Variants in SH3KBP1 observed in about 807,000 individuals in gnomAD.
The protein encoded by SH3KBP1 is SH3 domain containing kinase binding protein 1, also known as SH3 domain-containing kinase-binding protein 1.
In SH3KBP1, 8 loss-of-function variants were observed where a neutral mutation model predicts 50.1. The ratio of observed to expected loss-of-function variants is 0.16; its 90% CI spans 0.09 to 0.29. SH3KBP1 has a LOEUF of 0.29. Ranked by LOEUF, SH3KBP1 falls within the 10% of genes least tolerant of loss-of-function variation. The probability of loss-of-function intolerance (pLI) is 1.00; values close to 1 mark genes in which losing one functional copy is unlikely to be tolerated. For missense variants in SH3KBP1, 377 were observed against 535.2 expected (o/e 0.70, Z 2.92); for synonymous variants, 227 against 218.6 (o/e 1.04, Z -0.34).
chrX:19,616,939 C>T (rs954083753), intron 8 of SH3KBP1, among the ~76,000 whole-genome samples: 6 of 112,009 alleles, frequency 5.4e-5, no homozygotes, highest in African/African-American at 1.9e-4. Context: ...TTCTGCCAGG[C>T]CTCGTAGAGT....
intron 1 of SH3KBP1, among the ~76,000 whole-genome samples, chrX:19,881,637 G>C (rs1678205016): frequency 9.0e-6 from 1 of 111,380 alleles, no homozygotes; most frequent in African/African-American, 3.3e-5. Context: ...GGTGGGTCCT[G>C]AGCTCAGAAC....
At chrX:19,626,383 T>TATGAATGAATGAATGAATGA (rs72140292) in intron 8 of SH3KBP1, among the ~76,000 whole-genome samples, 5 of 108,275 alleles carry the variant, frequency 4.6e-5, no homozygotes, top group African/African-American at 1.0e-4. Context: ...TTCTTCGATG[T>TATGAATGAATGAATGAATGA]ATGAATGAAT....
chrX:19,550,873 G>A (rs1688258864), intron 13 of SH3KBP1, among the ~76,000 whole-genome samples: 1 of 110,788 alleles, frequency 9.0e-6, no homozygotes, highest in African/African-American at 3.3e-5. Flanking sequence ...CTTGCCATGT[G>A]AAATTAACAA....
rs775928098 is a variant in SH3KBP1 at position 19,717,758 on chromosome X, T to C, written c.287-10774A>G. ...TGTAATACTAAATAATGCTAATCTA[T>C]GCCTCTAACTGCTTTCCTCTTACAA... On this transcript the variant is annotated intron_variant, in intron 3 of 17. Transcript: ENST00000397821. Among the ~76,000 whole-genome samples the C allele has an allele frequency of 3.6e-5, 4 of 111,683 alleles. No homozygotes were observed. In the South Asian group the frequency reaches 1.5e-3, roughly 42 times the overall value.
At chrX:19,685,190 T>C (rs1603000572) in intron 5 of SH3KBP1, among the ~76,000 whole-genome samples, 1 of 112,315 alleles carries the variant, frequency 8.9e-6, no homozygotes, top group East Asian at 2.8e-4. Flanking sequence ...GTGCATTATC[T>C]TCCTACAGGT....
At chrX:19,770,470 T>C (rs4825313) in intron 2 of SH3KBP1, among the ~76,000 whole-genome samples, 22,037 of 111,389 alleles carry the variant, frequency 0.2, 1,992 homozygotes, top group African/African-American at 0.35. Context: ...GATTTCATGT[T>C]TTTGCTATTG....
At chrX:19,636,615 T>C (rs1487164766) in intron 7 of SH3KBP1, among the ~76,000 whole-genome samples, 1 of 112,136 alleles carries the variant, frequency 8.9e-6, no homozygotes, top group Admixed American at 9.5e-5. Flanking sequence ...GTTAAAGGAA[T>C]TGAACTCACA....
At chrX:19,536,499 A>G in intron 17 of SH3KBP1, 41 bp from the exon 18 acceptor site, 1 of 916,201 alleles carries the variant, frequency 1.1e-6, no homozygotes, top group Non-Finnish European at 1.5e-6. Flanking sequence ...GTCATAATGA[A>G]TCGGCTGGTT....
At chrX:19,715,026 C>G (rs927614104) in intron 3 of SH3KBP1, among the ~76,000 whole-genome samples, 2 of 111,518 alleles carry the variant, frequency 1.8e-5, no homozygotes, top group African/African-American at 6.5e-5. Flanking sequence ...GTAATCCCAG[C>G]ACTTTGGGAG....
At chrX:19,683,258 A>T (rs1157811810) in intron 6 of SH3KBP1, 3 of 350,258 alleles carry the variant, frequency 8.6e-6, no homozygotes, top group Admixed American at 8.5e-5. Context: ...CAGAGGCAGA[A>T]GGAAACAGCC....
chrX:19,578,305 C>T (rs2066267145), intron 12 of SH3KBP1, among the ~76,000 whole-genome samples: 1 of 111,686 alleles, frequency 9.0e-6, no homozygotes, highest in African/African-American at 3.3e-5. Flanking sequence ...GCTTATCACT[C>T]CCTCCTAGTG....
chrX:19,628,849 C>A, intron 8 of SH3KBP1, among the ~76,000 whole-genome samples: 1 of 111,504 alleles, frequency 9.0e-6, no homozygotes, highest in Non-Finnish European at 1.9e-5. Flanking sequence ...GTAATCACAG[C>A]ACTTTGGGAG....
intron 6 of SH3KBP1, among the ~76,000 whole-genome samples, chrX:19,672,339 G>A (rs765509727): frequency 3.6e-5 from 4 of 112,059 alleles, no homozygotes; most frequent in Non-Finnish European, 7.5e-5. Context: ...CTCTTTAAGT[G>A]GGAGGGGCAC....
intron 5 of SH3KBP1, among the ~76,000 whole-genome samples, chrX:19,692,694 T>A (rs1294707215): frequency 6.4e-4 from 64 of 100,370 alleles, no homozygotes; most frequent in African/African-American, 1.8e-3. Context: ...TATATATTTT[T>A]TTTTTTTTTT....
At chrX:19,706,859 A>G (rs2063662118) in intron 4 of SH3KBP1, 22 bp downstream of exon 4, 3 of 1,159,563 alleles carry the variant, frequency 2.6e-6, no homozygotes, top group Non-Finnish European at 3.5e-6. Flanking sequence ...AGGCCATTGC[A>G]CTGCCCGGCC....
chrX:19,618,459 C>T (rs2067692924), intron 8 of SH3KBP1, among the ~76,000 whole-genome samples: 1 of 108,737 alleles, frequency 9.2e-6, no homozygotes, highest in South Asian at 4.0e-4. Context: ...ACAGATGCTG[C>T]CATGCTGGCC....
chrX:19,575,876 C>T (rs934874102), intron 12 of SH3KBP1, among the ~76,000 whole-genome samples: 3 of 111,586 alleles, frequency 2.7e-5, no homozygotes, highest in Non-Finnish European at 5.6e-5. Flanking sequence ...AGGATGCAGC[C>T]CCTCAGTGGT....
chrX:19,688,575 T>C (rs2063217500), intron 5 of SH3KBP1, among the ~76,000 whole-genome samples: 1 of 110,614 alleles, frequency 9.0e-6, no homozygotes, highest in South Asian at 3.9e-4. Flanking sequence ...AATACACACA[T>C]ACTGCCCTGG....
chrX:19,727,658 A>C (rs757982953), intron 3 of SH3KBP1, among the ~76,000 whole-genome samples: 5 of 112,519 alleles, frequency 4.4e-5, no homozygotes, highest in Non-Finnish European at 9.4e-5. Flanking sequence ...GTCTCTGTTA[A>C]AACCTCATTT....
Sources: allele counts gnomAD v4.1 joint callset (sites outside exome capture counted in the v4.1 genomes callset), GRCh38; gene constraint gnomAD v4.1.1; transcripts MANE v1.5; gene names NCBI Gene and HGNC (gene_info 2026-07-23, HGNC 2026-07-21).